The following NRDC variants were observed in gnomAD, a reference collection of about 807,000 sequenced individuals.
NRDC encodes the protein nardilysin convertase, also known as nardilysin.
A neutral mutation model predicts 147.1 loss-of-function variants in NRDC; 54 were observed. The observed-to-expected ratio is 0.37, with a 90% CI of 0.29 to 0.46. NRDC has a LOEUF of 0.46. Ranked by LOEUF, NRDC falls within the 20% of genes least tolerant of loss-of-function variation. NRDC has a pLI of 1.00. For synonymous variants in NRDC, 440 were observed against 482.1 expected, an observed-to-expected ratio of 0.91 and a Z score of 1.14; for missense variants, 1,082 against 1,370.6, an observed-to-expected ratio of 0.79 and a Z score of 3.33.
At chr1:51,853,915 T>A (rs1283719633) in intron 1 of NRDC, among the ~76,000 whole-genome samples, 1 of 152,246 alleles carries the variant, frequency 6.6e-6, no homozygotes, top group African/African-American at 2.4e-5. Context: ...TCTGGATTGC[T>A]AAAGTTATGC....
chr1:51,837,879 C>T (rs558762234), intron 2 of NRDC, among the ~76,000 whole-genome samples: 36 of 152,144 alleles, frequency 2.4e-4, no homozygotes, highest in Non-Finnish European at 4.4e-4. Context: ...ATTCAAAAAA[C>T]GATCAAATAT....
At chr1:51,869,795 C>T (rs1465652041) in intron 1 of NRDC, among the ~76,000 whole-genome samples, 2 of 152,212 alleles carry the variant, frequency 1.3e-5, no homozygotes, top group African/African-American at 2.4e-5. Flanking sequence ...AGCTTCCACA[C>T]AAAATATACA....
intron 1 of NRDC, among the ~76,000 whole-genome samples, chr1:51,845,987 C>T (rs1434843152): frequency 2.6e-5 from 4 of 151,824 alleles, no homozygotes; most frequent in African/African-American, 9.7e-5. Context: ...ATGTGTACAA[C>T]ATGTATCCAT....
chr1:51,792,528 C>T, intron 24 of NRDC, 104 bp from the exon 25 acceptor site: 1 of 962,754 alleles, frequency 1.0e-6, no homozygotes, highest in South Asian at 1.3e-5. Context: ...CCACCAATCG[C>T]TCTCCCCCAA....
chr1:51,805,371 G>C, intron 19 of NRDC, 139 bp downstream of exon 19: 1 of 594,102 alleles, frequency 1.7e-6, no homozygotes. Context: ...TAACTTGTTT[G>C]GAGTACAGAA....
At chr1:51,836,455 GAAAC>G in intron 2 of NRDC, 1 of 1,610,438 alleles carries the variant, frequency 6.2e-7, no homozygotes. Context: ...AAAAAAAGCA[GAAAC>G]AGACAGAAAA....
intron 1 of NRDC, among the ~76,000 whole-genome samples, chr1:51,869,538 A>C (rs190795979): frequency 1.3e-5 from 2 of 152,288 alleles, no homozygotes; most frequent in African/African-American, 4.8e-5. Flanking sequence ...ACTAGTTTTC[A>C]TTCAACAATA....
chr1:51,853,230 T>A (rs1370681620), intron 1 of NRDC, among the ~76,000 whole-genome samples: 3 of 149,940 alleles, frequency 2.0e-5, no homozygotes, highest in Non-Finnish European at 3.0e-5. Context: ...AAAAAATATA[T>A]ATATATATAT....
In NRDC at chr1:51,816,846, G is replaced by C. The variant is rs114219701; in HGVS notation, c.1362-457C>G. Among the ~76,000 whole-genome samples, 530 of 152,296 alleles carry C rather than the reference G, an allele frequency of 3.5e-3. 3 individuals are homozygous for C. The highest frequency in any genetic ancestry group is 0.012 in the African/African-American group (513 of 41,564). ...GTTCTAGTTTTAGTTTTTCCTTTAA[G>C]TAAATCATGACCTTGAGCAAGATAC... is the stretch of plus-strand genomic sequence containing the variant. On this transcript the variant is annotated intron_variant, in intron 10 of 30. Coordinates refer to ENST00000352171, the MANE Select transcript of NRDC (RefSeq NM_001101662.2).
At position 51,832,576 on chromosome 1, in the gene NRDC, T is replaced by C. The variant is rs1291738641; in HGVS notation, c.866+1441A>G. Among the ~76,000 whole-genome samples, 4 of 152,320 alleles carry C rather than the reference T, an allele frequency of 2.6e-5. No individual in the cohort carries two copies. In the East Asian group the frequency reaches 7.7e-4, roughly 29 times the overall value. ...CTAGACAAACGTGAGGTTTCTTTTTTCTTTTACATTTCAATCTTGCATATA... is the reference window on the plus strand; with the variant it reads ...CTAGACAAACGTGAGGTTTCTTTTTCCTTTTACATTTCAATCTTGCATATA... On this transcript the variant is annotated intron_variant, in intron 4 of 30. Coordinates refer to ENST00000352171, the MANE Select transcript of NRDC (RefSeq NM_001101662.2).
chr1:51,871,922 G>T (rs1190747385), intron 1 of NRDC, among the ~76,000 whole-genome samples: 1 of 152,162 alleles, frequency 6.6e-6, no homozygotes, highest in East Asian at 1.9e-4. Flanking sequence ...CCAGCCTAGA[G>T]TGCAGTGGGC....
In NRDC at chr1:51,789,324, A is replaced by G; in HGVS notation, c.3368T>C (p.Leu1123Pro). Residue 1123 changes from leucine (L) to proline (P), a missense_variant, in exon 31 of 31, where the codon CTG (leucine) becomes CCG (proline). Leu to Pro is a moderately conservative substitution (Grantham distance 98). Transcript: ENST00000352171. The stretch of plus-strand genomic sequence containing the variant: ...AATGGGGATGATACAATCTGCCAGC[A>G]GAGGAGAGGTTGGCAGGTAGGTCAG... ...MQLTYLPTSP[L>P]LADCIIPITD... The G allele has an allele frequency of 3.7e-6, 6 of 1,614,062 alleles. No individual in the cohort carries two copies. Among genetic ancestry groups the G allele is most frequent in the Non-Finnish European group, 5.1e-6 (6 of 1,179,878 alleles).
At chr1:51,800,402 C>T (rs1022411463) in intron 21 of NRDC, among the ~76,000 whole-genome samples, 154 bp downstream of exon 21, 16 of 152,116 alleles carry the variant, frequency 1.1e-4, no homozygotes, top group African/African-American at 3.9e-4. Flanking sequence ...TTAGAAATAC[C>T]GTAACGCTAT....
At chr1:51,846,206 G>A (rs956201281) in intron 1 of NRDC, among the ~76,000 whole-genome samples, 6 of 151,924 alleles carry the variant, frequency 3.9e-5, no homozygotes, top group Non-Finnish European at 7.4e-5. Context: ...CCACTTCCCA[G>A]GTTCAAAGTG....
chr1:51,846,655 T>C (rs1388782228), intron 1 of NRDC, among the ~76,000 whole-genome samples: 1 of 152,224 alleles, frequency 6.6e-6, no homozygotes, highest in Non-Finnish European at 1.5e-5. Context: ...GGGTGAGTGT[T>C]ATAGCTCATA....
At chr1:51,808,963 G>A (rs745571894) in intron 17 of NRDC, among the ~76,000 whole-genome samples, 1 of 152,098 alleles carries the variant, frequency 6.6e-6, no homozygotes, top group Non-Finnish European at 1.5e-5. Flanking sequence ...GCTGCCACCT[G>A]CAGTTTGAAA....
chr1:51,809,217 A>C (rs1571854898), intron 17 of NRDC, 98 bp downstream of exon 17: 1 of 826,524 alleles, frequency 1.2e-6, no homozygotes, highest in East Asian at 2.5e-5. Context: ...GGGAATCTCA[A>C]ATATAAATTC....
chr1:51,810,010 T>G (rs1262535483), intron 16 of NRDC, among the ~76,000 whole-genome samples: 5 of 151,870 alleles, frequency 3.3e-5, no homozygotes, highest in African/African-American at 1.2e-4. Context: ...GTGACAAAAA[T>G]GCACACTACA....
chr1:51,837,943 A>G (rs1681067331), intron 2 of NRDC, among the ~76,000 whole-genome samples: 1 of 152,258 alleles, frequency 6.6e-6, no homozygotes, highest in Non-Finnish European at 1.5e-5. Flanking sequence ...CAAGTTTCAC[A>G]CATTTTTCAA....
Sources: gnomAD v4.1 joint callset for allele counts (sites outside exome capture counted in the v4.1 genomes callset) on GRCh38, gnomAD v4.1.1 for gene constraint, MANE v1.5 for transcripts, NCBI Gene and HGNC (gene_info 2026-07-23, HGNC 2026-07-21) for gene names.